IFNA4: variants seen among roughly 807,000 people sequenced by gnomAD.
IFNA4 encodes interferon alpha 4.
For synonymous variants in IFNA4, 84 were observed against 86.0 expected, an observed-to-expected ratio of 0.98 and a Z score of 0.13; for missense variants, 225 against 214.9, an observed-to-expected ratio of 1.05 and a Z score of -0.29.
At chr9:21,187,498 G>C in exon 1 of IFNA4, 1 of 1,612,280 alleles carries the variant, frequency 6.2e-7, no homozygotes, top group South Asian at 1.1e-5. Context: ...CTGAGCACCA[G>C]CACGGCCATC....
Position 21,187,569 on chromosome 9 carries a change from A to G in IFNA4, c.-38T>C, listed in dbSNP as rs371680814. On this transcript the variant is annotated 5_prime_UTR_variant, in exon 1 of 1. Coordinates refer to ENST00000421715, the Ensembl canonical transcript of IFNA4. ...AATATTGCTAGGCTACTTGAGATGG[A>G]TAACCTTGAACTTCGGCCTCTAGGT... The G allele has an allele frequency of 2.6e-3, 4,039 of 1,570,900 alleles. 72 individuals carry two copies. In the African/African-American group the frequency reaches 0.042, roughly 16 times the overall value.
exon 1 of IFNA4, chr9:21,187,417 T>A: frequency 6.2e-7 from 1 of 1,614,158 alleles, no homozygotes; most frequent in South Asian, 1.1e-5. Context: ...GCCAGGAGTA[T>A]CAAGGCCCTC....
downstream of IFNA4, chr9:21,186,664 A>T (rs1416625030): frequency 4.7e-5 from 8 of 169,798 alleles, no homozygotes; most frequent in East Asian, 1.2e-3. Flanking sequence ...TGAAGAACAT[A>T]TATTGTTACA....
At chr9:21,187,396 T>C (rs1817923877) in exon 1 of IFNA4, 8 of 1,614,188 alleles carry the variant, frequency 5.0e-6, no homozygotes, top group East Asian at 2.2e-5. Flanking sequence ...TGAGAGATTC[T>C]TCCCATTTGT....
chr9:21,187,454 C>G (rs766537941), exon 1 of IFNA4: 1 of 1,614,154 alleles, frequency 6.2e-7, no homozygotes, highest in East Asian at 2.2e-5. Context: ...GGGTCTGAGG[C>G]AGATCACAGC....
exon 1 of IFNA4, chr9:21,187,571 A>G: frequency 6.4e-7 from 1 of 1,561,762 alleles, no homozygotes; most frequent in Non-Finnish European, 8.7e-7. Flanking sequence ...TGAGATGGAT[A>G]ACCTTGAACT....
exon 1 of IFNA4, chr9:21,186,946 C>G: frequency 1.2e-6 from 2 of 1,613,464 alleles, no homozygotes; most frequent in Non-Finnish European, 1.7e-6. Flanking sequence ...GGATCATTTC[C>G]ATGTTGAACC....
chr9:21,187,248 T>G, exon 1 of IFNA4: 1 of 1,610,532 alleles, frequency 6.2e-7, no homozygotes, highest in East Asian at 2.2e-5. Flanking sequence ...AGCAGATGAG[T>G]CCTCTGTGCT....
chr9:21,187,405 G>C (rs778866388), exon 1 of IFNA4: 2 of 1,614,042 alleles, frequency 1.2e-6, no homozygotes, highest in African/African-American at 1.3e-5. Context: ...CTTCCCATTT[G>C]TGCCAGGAGT....
At chr9:21,186,871 T>C in exon 1 of IFNA4, 1 of 1,577,028 alleles carries the variant, frequency 6.3e-7, no homozygotes, top group Non-Finnish European at 8.6e-7. Flanking sequence ...CTCGTGGTGG[T>C]TATAGAAGTG....
chr9:21,187,353 C>A lies in IFNA4; in HGVS notation c.179G>T (p.Gly60Val), dbSNP rs778262681. Residue 60 changes from glycine (G) to valine (V), a missense_variant, in exon 1 of 1, where the codon GGA (glycine) becomes GTA (valine). Physicochemically the swap from Gly to Val is moderately radical, Grantham distance 109. Transcript: ENST00000421715. ...GCCATCAAACTCCTCCTCGGGGAAT[C>A]CGAAATCATGTCTGTCCTTCAGGCA... 3.7e-6 allele frequency: 6 copies of A among 1,614,012 alleles called. No individual in the cohort carries two copies. The South Asian group carries it at 6.6e-5, about 18-fold the overall frequency.
chr9:21,187,199 T>G, exon 1 of IFNA4: 1 of 1,612,838 alleles, frequency 6.2e-7, no homozygotes, highest in Non-Finnish European at 8.5e-7. Context: ...GCTGGTAAAG[T>G]TCAGTGGAAA....
In IFNA4 at chr9:21,187,429, T is replaced by C. The variant is rs146590081; in HGVS notation, c.103A>G (p.Arg35Gly). 1,149 of 1,614,198 alleles carry C rather than the reference T, an allele frequency of 7.1e-4. 9 individuals are homozygous for C. In the African/African-American group the frequency reaches 0.013, roughly 19 times the overall value. The change falls in exon 1 of 1, where the codon AGG (arginine) becomes GGG (glycine). Residue 35 changes from arginine to glycine, a missense_variant. Physicochemically the swap from Arg to Gly is moderately radical, Grantham distance 125 (BLOSUM62 -2). Coordinates refer to ENST00000421715, the Ensembl canonical transcript of IFNA4. ...TGTGCCAGGAGTATCAAGGCCCTCC[T>C]ATTACCCAGGCTGTGGGTCTGAGGC...
exon 1 of IFNA4, chr9:21,186,820 C>A (rs1817909279): frequency 2.9e-6 from 4 of 1,384,006 alleles, no homozygotes; most frequent in Non-Finnish European, 3.9e-6. Context: ...ATACACCAAG[C>A]TTCTTCACAC....
chr9:21,186,867 G>C, exon 1 of IFNA4: 2 of 1,571,674 alleles, frequency 1.3e-6, no homozygotes, highest in Non-Finnish European at 1.7e-6. Flanking sequence ...TCAACTCGTG[G>C]TGGTTATAGA....
chr9:21,187,555 G>T (rs755336981), exon 1 of IFNA4: 5 of 1,587,960 alleles, frequency 3.1e-6, no homozygotes, highest in South Asian at 1.1e-5. Context: ...ATATTGCTAG[G>T]CTACTTGAGA....
chr9:21,186,785 G>A lies in IFNA4; in HGVS notation c.*177C>T, dbSNP rs1268075193. 9.4e-5 allele frequency: 78 copies of A among 828,354 alleles called. No homozygotes were observed. In the East Asian group the frequency reaches 2.0e-3, roughly 22 times the overall value. The allele number at this position is 828,354 out of a possible 1,614,324, so 51.3% of individuals were successfully genotyped here. On this transcript the variant is annotated 3_prime_UTR_variant, in exon 1 of 1. Transcript: ENST00000421715. ...AACAGAGACATCAGCATTGTCATCT[G>A]TAAAGGACTAGTGCCTGCACAGGTA... is the stretch of plus-strand genomic sequence containing the variant.
chr9:21,186,823 CT>C, exon 1 of IFNA4: 3 of 1,420,368 alleles, frequency 2.1e-6, no homozygotes, highest in Non-Finnish European at 2.9e-6. Flanking sequence ...CACCAAGCTT[CT>C]TCACACTGCT....
chr9:21,187,526 G>A (rs948836936), exon 1 of IFNA4: 2 of 1,600,900 alleles, frequency 1.2e-6, no homozygotes, highest in East Asian at 2.2e-5. Flanking sequence ...AAAAGGACAG[G>A]GCCATTGGGA....
Sources: allele counts gnomAD v4.1 joint callset, GRCh38; gene constraint gnomAD v4.1.1; transcripts MANE v1.5; gene names NCBI Gene and HGNC (gene_info 2026-07-23, HGNC 2026-07-21).